SCRG1: variants seen among roughly 807,000 people sequenced by gnomAD.
SCRG1 encodes the protein scrapie-responsive protein 1.
Under a neutral mutation model 7.7 loss-of-function variants are expected in SCRG1, and 3 were observed. The ratio of observed to expected loss-of-function variants is 0.39; its 90% CI spans 0.18 to 1.01. SCRG1 has a LOEUF of 1.01. Ranked by LOEUF, SCRG1 falls within the 50% of genes least tolerant of loss-of-function variation. The pLI, the probability that SCRG1 is intolerant of heterozygous loss-of-function variation, is 0.36. For synonymous variants in SCRG1, 46 were observed against 41.2 expected, an observed-to-expected ratio of 1.12 and a Z score of -0.44; for missense variants, 110 against 117.2, an observed-to-expected ratio of 0.94 and a Z score of 0.28.
the SCRG1 span, among the ~76,000 whole-genome samples, chr4:173,453,829 C>A: frequency 6.6e-6 from 1 of 152,140 alleles, no homozygotes; most frequent in Non-Finnish European, 1.5e-5. Context: ...GTAAACCCAG[C>A]ACTTTGGGAA....
At chr4:173,516,764 C>G in the SCRG1 span, among the ~76,000 whole-genome samples, 4 of 152,164 alleles carry the variant, frequency 2.6e-5, no homozygotes, top group Non-Finnish European at 5.9e-5. Context: ...TAAATTACCC[C>G]GCGCGCTGAC....
chr4:173,513,154 C>A, the SCRG1 span, among the ~76,000 whole-genome samples: 4 of 152,180 alleles, frequency 2.6e-5, no homozygotes, highest in African/African-American at 9.7e-5. Context: ...AGGGGACACA[C>A]AAAAATTGAG....
chr4:173,445,726 C>T, the SCRG1 span, among the ~76,000 whole-genome samples: 5 of 147,124 alleles, frequency 3.4e-5, no homozygotes, highest in Admixed American at 2.0e-4. Flanking sequence ...AGTGCAGTGG[C>T]GGGATCTCGG....
chr4:173,385,173 T>A lies in SCRG1; in HGVS notation c.*3168A>T, dbSNP rs1009546034. 7 of 152,188 alleles carry A rather than the reference T, an allele frequency of 4.6e-5. No individual in the cohort carries two copies. The highest frequency in any genetic ancestry group is 1.7e-4 in the African/African-American group (7 of 41,446). The allele number at this position is 152,188 out of a possible 1,614,324, so 9.4% of individuals were successfully genotyped here. ...AATAAAATTTTAATAAAAGCTTAGT[T>A]GTCTTATAACTAAAATCTATTGGAA... On this transcript the variant is annotated 3_prime_UTR_variant, in exon 3 of 3. Transcript: ENST00000296506.
the SCRG1 span, among the ~76,000 whole-genome samples, chr4:173,428,179 T>G: frequency 6.6e-6 from 1 of 152,206 alleles, no homozygotes. Flanking sequence ...TCCATTTAAC[T>G]TCACTTTGGA....
At chr4:173,494,823 T>C in the SCRG1 span, among the ~76,000 whole-genome samples, 1 of 152,232 alleles carries the variant, frequency 6.6e-6, no homozygotes, top group Non-Finnish European at 1.5e-5. Context: ...CAACCGTGAA[T>C]TGCAGAAATA....
chr4:173,511,446 G>GT, the SCRG1 span, among the ~76,000 whole-genome samples: 53 of 151,508 alleles, frequency 3.5e-4, no homozygotes, highest in Middle Eastern at 3.4e-3. The surrounding 1 kb of genome is among the most constrained non-coding windows in gnomAD (Gnocchi z 5.2). Context: ...GTTTTGTTTT[G>GT]TTTTTTTTCT....
chr4:173,439,543 G>A, the SCRG1 span, among the ~76,000 whole-genome samples: 1 of 150,808 alleles, frequency 6.6e-6, no homozygotes, highest in Admixed American at 6.6e-5. Flanking sequence ...TAATATACAT[G>A]CATTATACAC....
chr4:173,458,066 G>A, the SCRG1 span, among the ~76,000 whole-genome samples: 6 of 152,302 alleles, frequency 3.9e-5, no homozygotes, highest in African/African-American at 1.4e-4. Context: ...TGCCCTCTGA[G>A]TTCCCCTGAA....
chr4:173,402,980 TACTA>T (rs376140148), upstream of SCRG1: 101 of 152,350 alleles, frequency 6.6e-4, no homozygotes, highest in African/African-American at 2.2e-3. Flanking sequence ...CAAGCTATTT[TACTA>T]ACTTATTTTT....
the SCRG1 span, among the ~76,000 whole-genome samples, chr4:173,436,269 A>T: frequency 6.6e-6 from 1 of 152,160 alleles, no homozygotes; most frequent in Non-Finnish European, 1.5e-5. Flanking sequence ...AGTCCTCAGC[A>T]CACTGGGTGA....
At chr4:173,458,488 C>T in the SCRG1 span, among the ~76,000 whole-genome samples, 1 of 152,092 alleles carries the variant, frequency 6.6e-6, no homozygotes, top group South Asian at 2.1e-4. Flanking sequence ...GAATGTGTCA[C>T]CACTAGACTG....
At chr4:173,471,446 T>C in the SCRG1 span, among the ~76,000 whole-genome samples, 89,776 of 152,062 alleles carry the variant, frequency 0.59, 29,028 homozygotes, top group Non-Finnish European at 0.73. Context: ...TGGAGGCAGC[T>C]CATAGTACAG....
At chr4:173,496,539 G>A in the SCRG1 span, among the ~76,000 whole-genome samples, 3 of 152,246 alleles carry the variant, frequency 2.0e-5, no homozygotes, top group Non-Finnish European at 4.4e-5. Context: ...CCTCTATCAG[G>A]GAGTTGGATA....
At chr4:173,415,299 G>A in the SCRG1 span, among the ~76,000 whole-genome samples, 5 of 152,206 alleles carry the variant, frequency 3.3e-5, no homozygotes, top group East Asian at 9.6e-4. Flanking sequence ...TGTGAAGTGA[G>A]GTTTCAGTTG....
At chr4:173,483,935 TAA>T in the SCRG1 span, among the ~76,000 whole-genome samples, 1 of 69,926 alleles carries the variant, frequency 1.4e-5, no homozygotes, top group Admixed American at 2.4e-4. Flanking sequence ...ATTTCATATA[TAA>T]TATAAATCAT....
chr4:173,398,897 T>G (rs1197551521), intron 1 of SCRG1, among the ~76,000 whole-genome samples, 171 bp downstream of exon 1: 1 of 152,212 alleles, frequency 6.6e-6, no homozygotes, highest in East Asian at 1.9e-4. Context: ...ATTATTTGCC[T>G]TTCTACTAGG....
chr4:173,446,282 G>A, the SCRG1 span, among the ~76,000 whole-genome samples: 1 of 152,040 alleles, frequency 6.6e-6, no homozygotes, highest in Non-Finnish European at 1.5e-5. Flanking sequence ...TTTGGTTGAT[G>A]TTTGCATTTT....
At chr4:173,509,486 C>T in the SCRG1 span, among the ~76,000 whole-genome samples, 3 of 152,210 alleles carry the variant, frequency 2.0e-5, no homozygotes, top group Admixed American at 6.5e-5. The surrounding 1 kb of genome is among the most constrained non-coding windows in gnomAD (Gnocchi z 5.7). Flanking sequence ...CGGCCTCTGC[C>T]CCCGGCCTCC....
Sources: gnomAD v4.1 joint callset for allele counts (sites outside exome capture counted in the v4.1 genomes callset) on GRCh38, gnomAD v4.1.1 for gene constraint, Gnocchi (gnomAD v3.1) non-coding constraint, MANE v1.5 for transcripts, NCBI Gene and HGNC (gene_info 2026-07-23, HGNC 2026-07-21) for gene names.